SMURF2: variants seen among roughly 807,000 people sequenced by gnomAD.
SMURF2 encodes SMAD specific E3 ubiquitin protein ligase 2.
A neutral mutation model predicts 109.6 loss-of-function variants in SMURF2; 48 were observed. The ratio of observed to expected loss-of-function variants is 0.44; its 90% CI spans 0.35 to 0.56. SMURF2 has a LOEUF of 0.56. Ranked by LOEUF, SMURF2 falls within the 20% of genes least tolerant of loss-of-function variation. The probability of loss-of-function intolerance (pLI) is 0.01; values close to 1 mark genes in which losing one functional copy is unlikely to be tolerated. For missense variants in SMURF2, 575 were observed against 909.0 expected (o/e 0.63, Z 4.72); for synonymous variants, 288 against 317.1 (o/e 0.91, Z 0.97).
At chr17:64,584,680 CTT>C (rs1411881330) in intron 6 of SMURF2, among the ~76,000 whole-genome samples, 2 of 152,092 alleles carry the variant, frequency 1.3e-5, no homozygotes, top group East Asian at 3.8e-4. Flanking sequence ...TCTATCAACT[CTT>C]TACCATAATT....
intron 10 of SMURF2, among the ~76,000 whole-genome samples, chr17:64,571,458 TGGGGTG>T (rs1407651545): frequency 1.4e-4 from 21 of 152,254 alleles, no homozygotes; most frequent in Non-Finnish European, 1.6e-4. Flanking sequence ...AGGCTGGAGT[TGGGGTG>T]GTGTGATCAT....
In SMURF2 at chr17:64,627,812, C is replaced by T. The variant is rs187354874; in HGVS notation, c.53-21172G>A. 4.0e-3 allele frequency among the ~76,000 whole-genome samples: 614 copies of T among 152,332 alleles called. 4 individuals are homozygous for T. The highest frequency in any genetic ancestry group is 5.7e-3 in the Non-Finnish European group (385 of 68,028). ...CAACAAACCCAGATATCACCACCAA[C>T]CAATCAAGAACACTCAAAAATTTGG... On this transcript the variant is annotated intron_variant, in intron 1 of 18. Transcript: ENST00000262435.
chr17:64,598,258 C>T lies in SMURF2; in HGVS notation c.200+124G>A, dbSNP rs200734251. The T allele has an allele frequency of 7.8e-5, 56 of 717,848 alleles. No individual in the cohort carries two copies. The East Asian group carries it at 1.6e-3, about 21-fold the overall frequency. The allele number at this position is 717,848 out of a possible 1,614,324, so 44.5% of individuals were successfully genotyped here. On this transcript the variant is annotated intron_variant, in intron 3 of 18. Coordinates refer to ENST00000262435, the MANE Select transcript of SMURF2 (RefSeq NM_022739.4). ...CACATTCCCACTGGGCTTTTCTTTACCCCTTTTGTGATGACCAAATTATAC... is the reference window on the plus strand; with the variant it reads ...CACATTCCCACTGGGCTTTTCTTTATCCCTTTTGTGATGACCAAATTATAC...
At chr17:64,564,734 C>A (rs1449983795) in intron 10 of SMURF2, among the ~76,000 whole-genome samples, 2 of 152,202 alleles carry the variant, frequency 1.3e-5, no homozygotes, top group East Asian at 3.8e-4. Flanking sequence ...AGGCATGGAA[C>A]AGATTCTCTC....
At chr17:64,567,981 G>A (rs1365715379) in intron 10 of SMURF2, among the ~76,000 whole-genome samples, 1 of 150,840 alleles carries the variant, frequency 6.6e-6, no homozygotes, top group Non-Finnish European at 1.5e-5. Flanking sequence ...AGCCTCCCGA[G>A]TAGCTGGGAC....
intron 4 of SMURF2, chr17:64,593,089 T>A (rs1413732105): frequency 6.5e-6 from 1 of 153,028 alleles, no homozygotes; most frequent in African/African-American, 2.4e-5. Context: ...GGCATATACA[T>A]CCTGATACCT....
intron 2 of SMURF2, among the ~76,000 whole-genome samples, chr17:64,602,719 G>A (rs1389813159): frequency 3.3e-5 from 5 of 152,030 alleles, no homozygotes; most frequent in South Asian, 2.1e-4. Context: ...ACGAGGTCAC[G>A]AGTTCAAGAC....
chr17:64,559,384 A>C (rs550395791), intron 12 of SMURF2, among the ~76,000 whole-genome samples: 1 of 152,176 alleles, frequency 6.6e-6, no homozygotes, highest in East Asian at 1.9e-4. Context: ...TCACAAGGTC[A>C]GGAGATTGAG....
chr17:64,655,252 C>CATTTTTTTTTTTTTTTTTTTT (rs1555693811), intron 1 of SMURF2, among the ~76,000 whole-genome samples: 1 of 85,906 alleles, frequency 1.2e-5, no homozygotes, highest in African/African-American at 5.5e-5. Flanking sequence ...AATGAAATGT[C>CATTTTTTTTTTTTTTTTTTTT]TTTTTTTTTT....
intron 9 of SMURF2, among the ~76,000 whole-genome samples, chr17:64,578,156 G>A (rs186342523): frequency 6.6e-6 from 1 of 151,910 alleles, no homozygotes; most frequent in East Asian, 1.9e-4. Flanking sequence ...ATGTTGGCCA[G>A]GATGGTTTCG....
chr17:64,612,389 C>T (rs1480642432), intron 1 of SMURF2, among the ~76,000 whole-genome samples: 1 of 151,880 alleles, frequency 6.6e-6, no homozygotes, highest in Non-Finnish European at 1.5e-5. Context: ...TATTTTAGGC[C>T]AGGTACTGTG....
chr17:64,604,910 C>T (rs1969948185), intron 2 of SMURF2, among the ~76,000 whole-genome samples: 1 of 151,692 alleles, frequency 6.6e-6, no homozygotes, highest in African/African-American at 2.4e-5. Flanking sequence ...CACCACTGCA[C>T]TCCAGCCTGG....
Position 64,562,879 on chromosome 17 carries a change from G to A in SMURF2, c.1104C>T (p.Tyr368=), listed in dbSNP as rs1555684662. The stretch of plus-strand genomic sequence containing the variant: ...TTAGTTTCTGAACCAGGTCTCGCTT[G>A]TACCTTGGGACTGTCAGGCATTCTG... ...DDTECLTVPR[Y]KRDLVQKLKI... is the part of the protein sequence containing the mutation. The change falls in exon 11 of 19, where the codon TAC becomes TAT. Residue 368 remains tyrosine (Y), a synonymous_variant. Coordinates refer to ENST00000262435, the MANE Select transcript of SMURF2 (RefSeq NM_022739.4). The A allele has an allele frequency of 6.2e-7, 1 of 1,614,092 alleles. No homozygotes were observed. The highest frequency in any genetic ancestry group is 8.5e-7 in the Non-Finnish European group (1 of 1,180,044).
At chr17:64,565,925 T>C (rs1479523066) in intron 10 of SMURF2, among the ~76,000 whole-genome samples, 3 of 151,940 alleles carry the variant, frequency 2.0e-5, no homozygotes, top group African/African-American at 7.3e-5. Context: ...GGCAAAGTTA[T>C]TTATTAAACC....
chr17:64,638,042 G>GGT (rs1970443748), intron 1 of SMURF2, among the ~76,000 whole-genome samples: 2 of 123,766 alleles, frequency 1.6e-5, no homozygotes, highest in African/African-American at 5.9e-5. Flanking sequence ...TTTCCCATGA[G>GGT]TTTTTTTTTT....
At chr17:64,577,941 CTTTTT>C (rs1157721982) in intron 9 of SMURF2, among the ~76,000 whole-genome samples, 1 of 121,200 alleles carries the variant, frequency 8.3e-6, no homozygotes, top group Admixed American at 9.3e-5. Context: ...TTTCATTCCA[CTTTTT>C]TTTTTTTTTT....
At chr17:64,647,107 T>C (rs1435459197) in intron 1 of SMURF2, among the ~76,000 whole-genome samples, 2 of 152,168 alleles carry the variant, frequency 1.3e-5, no homozygotes, top group Non-Finnish European at 2.9e-5. Flanking sequence ...TAACCTCTTC[T>C]TAAAATCCTA....
chr17:64,651,215 GTA>G (rs151259329), intron 1 of SMURF2, among the ~76,000 whole-genome samples: 2 of 150,766 alleles, frequency 1.3e-5, no homozygotes, highest in African/African-American at 2.4e-5. Flanking sequence ...ATATTTTTGT[GTA>G]TATATATATG....
chr17:64,611,258 A>C (rs1970040621), intron 1 of SMURF2, among the ~76,000 whole-genome samples: 1 of 152,180 alleles, frequency 6.6e-6, no homozygotes, highest in Non-Finnish European at 1.5e-5. Flanking sequence ...ATAGCTTAAT[A>C]GATTGACAGA....
Sources: allele counts gnomAD v4.1 joint callset (sites outside exome capture counted in the v4.1 genomes callset), GRCh38; gene constraint gnomAD v4.1.1; transcripts MANE v1.5; gene names NCBI Gene and HGNC (gene_info 2026-07-23, HGNC 2026-07-21).